TMBIM6: variants seen among roughly 807,000 people sequenced by gnomAD.
The protein encoded by TMBIM6 is transmembrane BAX inhibitor motif containing 6, also known as bax inhibitor 1.
A neutral mutation model predicts 31.4 loss-of-function variants in TMBIM6; 13 were observed. That is an observed-to-expected ratio of 0.41 (90% CI 0.27 to 0.66). The LOEUF (loss-of-function observed/expected upper bound fraction) is 0.66. Among genes scored for constraint, TMBIM6 ranks in the 30% least tolerant of loss-of-function variants. The pLI, the probability that TMBIM6 is intolerant of heterozygous loss-of-function variation, is 0.28. For missense variants in TMBIM6, 275 were observed against 289.5 expected, an observed-to-expected ratio of 0.95 and a Z score of 0.36; for synonymous variants, 85 against 101.7, an observed-to-expected ratio of 0.84 and a Z score of 0.99.
At chr12:49,758,089 G>T in intron 4 of TMBIM6, 138 bp from the exon 5 acceptor site, 2 of 897,184 alleles carry the variant, frequency 2.2e-6, no homozygotes, top group East Asian at 2.4e-5. Context: ...CAATTACAGC[G>T]GAGGGGAGAG....
At chr12:49,742,233 G>A in intron 1 of TMBIM6, 2 of 1,612,886 alleles carry the variant, frequency 1.2e-6, no homozygotes, top group Non-Finnish European at 1.7e-6. Context: ...CTGCCTTCCA[G>A]GCCCACGGGG....
intron 2 of TMBIM6, among the ~76,000 whole-genome samples, 170 bp from the exon 3 acceptor site, chr12:49,752,803 A>G (rs571261643): frequency 1.3e-5 from 2 of 152,324 alleles, no homozygotes; most frequent in East Asian, 1.9e-4. Context: ...CTGTTAACCT[A>G]TTTTCAAAAT....
intron 1 of TMBIM6, among the ~76,000 whole-genome samples, chr12:49,751,209 T>A (rs943820333): frequency 6.6e-6 from 1 of 152,198 alleles, no homozygotes; most frequent in African/African-American, 2.4e-5. Context: ...AAAAATGCCC[T>A]TTTTGACATT....
intron 8 of TMBIM6, among the ~76,000 whole-genome samples, chr12:49,760,325 G>A (rs1404706544): frequency 1.3e-5 from 2 of 151,902 alleles, no homozygotes; most frequent in African/African-American, 4.8e-5. Flanking sequence ...AACACAGCTC[G>A]CTGCAGCCTG....
At chr12:49,751,120 G>A (rs1336357897) in intron 1 of TMBIM6, among the ~76,000 whole-genome samples, 4 of 152,182 alleles carry the variant, frequency 2.6e-5, no homozygotes, top group African/African-American at 9.6e-5. Context: ...AGGATTGCAT[G>A]TGAAATAGGG....
chr12:49,743,586 T>G (rs1335376508), intron 1 of TMBIM6: 1 of 152,176 alleles, frequency 6.6e-6, no homozygotes, highest in Non-Finnish European at 1.5e-5. Flanking sequence ...TCTAGATACT[T>G]AGCATTTTCA....
chr12:49,755,879 G>A (rs922686765), intron 4 of TMBIM6, 124 bp downstream of exon 4: 1 of 1,165,034 alleles, frequency 8.6e-7, no homozygotes, highest in African/African-American at 1.6e-5. Context: ...TGTTGCCCAG[G>A]CCAGAGTGCA....
intron 8 of TMBIM6, among the ~76,000 whole-genome samples, chr12:49,759,928 C>T (rs1420767640): frequency 2.6e-5 from 4 of 151,318 alleles, no homozygotes; most frequent in South Asian, 2.1e-4. Context: ...CTGGCTAACA[C>T]GGTGAAACCC....
intron 4 of TMBIM6, among the ~76,000 whole-genome samples, chr12:49,757,169 C>A (rs1427504573): frequency 6.6e-6 from 1 of 152,154 alleles, no homozygotes. Context: ...GCCTGGCCTT[C>A]CTGGCCTGCT....
chr12:49,747,523 G>A (rs1432199797), intron 1 of TMBIM6, among the ~76,000 whole-genome samples: 1 of 152,044 alleles, frequency 6.6e-6, no homozygotes, highest in African/African-American at 2.4e-5. Flanking sequence ...TGCCCAGGTT[G>A]GTCTGGAACT....
chr12:49,761,910 T>TAA, intron 9 of TMBIM6, 131 bp downstream of exon 9: 1 of 822,944 alleles, frequency 1.2e-6, no homozygotes, highest in African/African-American at 1.8e-5. Context: ...GGCCACTGAG[T>TAA]AAGAGGTAAG....
rs757984134 is a variant in TMBIM6 at position 49,758,657 on chromosome 12, A to G, written c.434-26A>G. On this transcript the variant is annotated intron_variant, in intron 6 of 9. Transcript: ENST00000267115. Reference sequence around the variant, plus strand: ...CTTTACTTTGCCTTGGCTTCTCTCAAGACAGCTTTTTGCTGTGTCTTATAG... The same window carrying G: ...CTTTACTTTGCCTTGGCTTCTCTCAGGACAGCTTTTTGCTGTGTCTTATAG... The G allele has an allele frequency of 6.2e-7, 1 of 1,613,190 alleles. No individual in the cohort carries two copies. Among genetic ancestry groups the G allele is most frequent in the Non-Finnish European group, 8.5e-7 (1 of 1,179,430 alleles).
chr12:49,760,881 C>G (rs1408957318), intron 8 of TMBIM6, among the ~76,000 whole-genome samples: 1 of 151,878 alleles, frequency 6.6e-6, no homozygotes, highest in Non-Finnish European at 1.5e-5. Context: ...CTCTTGTTGC[C>G]CAGGCTGGAG....
intron 9 of TMBIM6, 54 bp downstream of exon 9, chr12:49,761,833 T>C: frequency 1.9e-6 from 3 of 1,570,016 alleles, no homozygotes; most frequent in Middle Eastern, 1.7e-4. Context: ...GAGCTTGGCA[T>C]GTGTGTATAC....
chr12:49,764,310 A>G lies in TMBIM6; in HGVS notation c.*1414A>G, dbSNP rs1945775586. 5 of 152,296 alleles carry G rather than the reference A, an allele frequency of 3.3e-5. No individual in the cohort carries two copies. The South Asian group carries it at 1.0e-3, about 32-fold the overall frequency. The allele number at this position is 152,296 out of a possible 1,614,324, so 9.4% of individuals were successfully genotyped here. ...AGGATCGAGCCATTGAAAGCTCATTACCAGTAGGACATAATTTTTGGCTCT... is the reference window on the plus strand; with the variant it reads ...AGGATCGAGCCATTGAAAGCTCATTGCCAGTAGGACATAATTTTTGGCTCT... On this transcript the variant is annotated 3_prime_UTR_variant, in exon 10 of 10. Transcript: ENST00000267115.
At chr12:49,749,809 G>A (rs541601916) in intron 1 of TMBIM6, 1 of 152,282 alleles carries the variant, frequency 6.6e-6, no homozygotes, top group Admixed American at 6.5e-5. Context: ...GCAAATCAAG[G>A]AGTGTACCGA....
At chr12:49,746,817 C>G (rs531927812) in intron 1 of TMBIM6, among the ~76,000 whole-genome samples, 1 of 152,214 alleles carries the variant, frequency 6.6e-6, no homozygotes, top group African/African-American at 2.4e-5. Context: ...AAATTACTAA[C>G]AGTTCTTCCC....
chr12:49,745,827 A>G (rs1198450308), intron 1 of TMBIM6, among the ~76,000 whole-genome samples: 1 of 152,138 alleles, frequency 6.6e-6, no homozygotes, highest in Admixed American at 6.5e-5. Context: ...ATTATAAAGT[A>G]GGCTTTGCGT....
At chr12:49,745,802 G>T (rs183994214) in intron 1 of TMBIM6, among the ~76,000 whole-genome samples, 31 of 152,060 alleles carry the variant, frequency 2.0e-4, no homozygotes, top group Admixed American at 1.7e-3. Flanking sequence ...TTTCACATGA[G>T]ATATTTAACA....
Sources: allele counts gnomAD v4.1 joint callset (sites outside exome capture counted in the v4.1 genomes callset), GRCh38; gene constraint gnomAD v4.1.1; transcripts MANE v1.5; gene names NCBI Gene and HGNC (gene_info 2026-07-23, HGNC 2026-07-21).